USP54: variants seen among roughly 807,000 people sequenced by gnomAD.
USP54 encodes the protein ubiquitin carboxyl-terminal hydrolase 54.
USP54 carries 87 observed loss-of-function variants against 170.5 expected under a neutral mutation model. The ratio of observed to expected loss-of-function variants is 0.51; its 90% CI spans 0.43 to 0.61. USP54 has a LOEUF of 0.61. USP54 is among the 20% of genes least tolerant of loss of function. The probability of loss-of-function intolerance (pLI) is 0.00; values close to 1 mark genes in which losing one functional copy is unlikely to be tolerated. For synonymous variants in USP54, 655 were observed against 742.8 expected, an observed-to-expected ratio of 0.88 and a Z score of 1.92; for missense variants, 1,786 against 2,047.8, an observed-to-expected ratio of 0.87 and a Z score of 2.47.
chr10:73,606,022 A>AT (rs2132286984), intron 1 of USP54, among the ~76,000 whole-genome samples: 1 of 151,954 alleles, frequency 6.6e-6, no homozygotes, highest in African/African-American at 2.4e-5. Flanking sequence ...TACTAAAAAT[A>AT]CAAAAATTAG....
chr10:73,532,429 C>T (rs1432637163), intron 12 of USP54, among the ~76,000 whole-genome samples: 1 of 152,176 alleles, frequency 6.6e-6, no homozygotes, highest in Non-Finnish European at 1.5e-5. Flanking sequence ...CCCACCTCGG[C>T]CTCCCAAAGT....
chr10:73,607,982 C>A (rs1460478345), intron 1 of USP54, among the ~76,000 whole-genome samples: 1 of 152,160 alleles, frequency 6.6e-6, no homozygotes, highest in African/African-American at 2.4e-5. Context: ...TCAGATTTGG[C>A]CGGGCACGGT....
At chr10:73,573,113 TCTCTCCAC>T (rs2075499512) in intron 3 of USP54, among the ~76,000 whole-genome samples, 1 of 151,470 alleles carries the variant, frequency 6.6e-6, no homozygotes, top group African/African-American at 2.4e-5. Flanking sequence ...AGTGAGACCC[TCTCTCCAC>T]AAACAATTAA....
chr10:73,543,946 C>CA (rs1403524290), intron 5 of USP54, among the ~76,000 whole-genome samples: 1 of 143,848 alleles, frequency 7.0e-6, no homozygotes, highest in Non-Finnish European at 1.5e-5. Flanking sequence ...ACCACATAAC[C>CA]TTTTTTTTTT....
intron 22 of USP54, among the ~76,000 whole-genome samples, chr10:73,503,127 C>T (rs2058465135): frequency 6.6e-6 from 1 of 152,126 alleles, no homozygotes. Flanking sequence ...TCAACACTCT[C>T]CATCATCTCC....
intron 4 of USP54, among the ~76,000 whole-genome samples, chr10:73,570,474 G>C (rs1162641412): frequency 6.7e-6 from 1 of 149,508 alleles, no homozygotes; most frequent in Non-Finnish European, 1.5e-5. Context: ...TGGTATAAAA[G>C]AATCTTTTAA....
At chr10:73,548,440 T>C (rs952035464) in intron 4 of USP54, among the ~76,000 whole-genome samples, 6 of 152,194 alleles carry the variant, frequency 3.9e-5, no homozygotes, top group Admixed American at 2.0e-4. Context: ...CGTATGTTTA[T>C]TGCAGCACTA....
intron 1 of USP54, among the ~76,000 whole-genome samples, chr10:73,618,769 G>A (rs112260119): frequency 0.036 from 5,288 of 148,618 alleles, 190 homozygotes; most frequent in South Asian, 0.11. Flanking sequence ...AAAATTAGCC[G>A]GGCGTGGTAG....
At chr10:73,553,609 A>G (rs973807766) in intron 4 of USP54, among the ~76,000 whole-genome samples, 1 of 152,238 alleles carries the variant, frequency 6.6e-6, no homozygotes, top group African/African-American at 2.4e-5. Flanking sequence ...GGCAGCACCA[A>G]TAAGGAACAA....
intron 3 of USP54, among the ~76,000 whole-genome samples, chr10:73,573,995 A>C (rs2075701692): frequency 6.6e-6 from 1 of 152,232 alleles, no homozygotes. Context: ...CCATTTTCTC[A>C]TAACATCTGA....
intron 16 of USP54, among the ~76,000 whole-genome samples, chr10:73,525,768 G>C (rs2062736956): frequency 2.0e-5 from 3 of 152,344 alleles, no homozygotes; most frequent in Non-Finnish European, 2.9e-5. Flanking sequence ...TGCTCTGCCA[G>C]ATGTCCACAA....
chr10:73,534,344 C>T (rs1008713129), intron 12 of USP54, among the ~76,000 whole-genome samples: 2 of 152,012 alleles, frequency 1.3e-5, no homozygotes, highest in Non-Finnish European at 2.9e-5. Flanking sequence ...GTAGGTAGGA[C>T]TACAGGTGCC....
intron 4 of USP54, among the ~76,000 whole-genome samples, chr10:73,550,134 G>T (rs1228708420): frequency 6.6e-6 from 1 of 152,168 alleles, no homozygotes; most frequent in Non-Finnish European, 1.5e-5. Context: ...ATGTTGGCCA[G>T]GTTGGTCTTG....
intron 22 of USP54, among the ~76,000 whole-genome samples, chr10:73,501,253 T>G (rs2133122357): frequency 6.6e-6 from 1 of 152,280 alleles, no homozygotes; most frequent in Non-Finnish European, 1.5e-5. Context: ...ACTATATATG[T>G]TTAAATGTAG....
chr10:73,507,051 T>C (rs921942590), intron 20 of USP54: 1 of 152,030 alleles, frequency 6.6e-6, no homozygotes, highest in African/African-American at 2.4e-5. Context: ...CTTAAAAAGA[T>C]TGAACTGAGT....
intron 4 of USP54, among the ~76,000 whole-genome samples, chr10:73,561,223 G>A (rs1441895799): frequency 6.6e-6 from 1 of 151,922 alleles, no homozygotes; most frequent in African/African-American, 2.4e-5. Flanking sequence ...TAGGCACTGT[G>A]AGAAATAACA....
At chr10:73,618,082 G>GC (rs1260268865) in intron 1 of USP54, among the ~76,000 whole-genome samples, 4 of 149,158 alleles carry the variant, frequency 2.7e-5, no homozygotes, top group African/African-American at 7.7e-5. Flanking sequence ...TTGGTGGCAG[G>GC]TGCCTGTAAT....
upstream of USP54, among the ~76,000 whole-genome samples, chr10:73,592,057 G>C (rs2132221135): frequency 6.6e-6 from 1 of 152,054 alleles, no homozygotes; most frequent in Non-Finnish European, 1.5e-5. Context: ...CCTCTCTCGG[G>C]GAAGAGACCT....
rs772374256 is a variant in USP54, at chr10:73,500,832, A to T, written c.4318T>A (p.Ser1440Thr). ...APVSSHSFDS[S>T]NVRKPLETGH... Reference sequence around the variant, plus strand: ...GTTTCCAAAGGCTTCCTCACGTTTGATGAATCCTTATAATGAGACAAGACA... The same window carrying T: ...GTTTCCAAAGGCTTCCTCACGTTTGTTGAATCCTTATAATGAGACAAGACA... The change falls in exon 23 of 24, where the codon TCA becomes ACA. Residue 1440 changes from serine (S) to threonine (T), a missense_variant. Coordinates refer to ENST00000687698, the MANE Select transcript of USP54 (RefSeq NM_001391956.1). The T allele has an allele frequency of 1.2e-6, 2 of 1,600,244 alleles. No individual in the cohort carries two copies. The highest frequency in any genetic ancestry group is 2.2e-5 in the South Asian group (2 of 89,322).
Sources: gnomAD v4.1 joint callset for allele counts (sites outside exome capture counted in the v4.1 genomes callset) on GRCh38, gnomAD v4.1.1 for gene constraint, MANE v1.5 for transcripts, NCBI Gene and HGNC (gene_info 2026-07-23, HGNC 2026-07-21) for gene names.